Variants in TRABD observed in about 807,000 individuals in gnomAD.
The protein encoded by TRABD is traB domain-containing protein.
Under a neutral mutation model 39.6 loss-of-function variants are expected in TRABD, and 23 were observed. The observed-to-expected ratio is 0.58, with a 90% CI of 0.42 to 0.82. The LOEUF (loss-of-function observed/expected upper bound fraction) is 0.82, where lower values mean the gene tolerates loss of function less well. Ranked by LOEUF, TRABD falls within the 40% of genes least tolerant of loss-of-function variation. TRABD has a pLI of 0.00. For synonymous variants in TRABD, 243 were observed against 232.1 expected (o/e 1.05, Z -0.43); for missense variants, 487 against 544.9 (o/e 0.89, Z 1.06).
At chr22:50,188,148 C>T (rs375399044) in intron 1 of TRABD, among the ~76,000 whole-genome samples, 15 of 151,370 alleles carry the variant, frequency 9.9e-5, no homozygotes, top group Middle Eastern at 3.4e-3. Context: ...GGGGTGGTGG[C>T]GCACGCCTGT....
intron 1 of TRABD, among the ~76,000 whole-genome samples, chr22:50,189,742 AGTGTGTGCTGGCCGG>A (rs1360967462): frequency 6.7e-5 from 10 of 149,604 alleles, no homozygotes; most frequent in African/African-American, 2.2e-4. Context: ...GGGTGGCTGC[AGTGTGTGCTGGCCGG>A]ACCCCAGGTG....
In TRABD at chr22:50,194,473, C is replaced by T; in HGVS notation, c.246C>T (p.His82=). 1 of 1,602,814 alleles carries T rather than the reference C, an allele frequency of 6.2e-7. No homozygotes were observed. The highest frequency in any genetic ancestry group is 8.5e-7 in the Non-Finnish European group (1 of 1,175,100). The change falls in exon 4 of 10, where the codon CAC becomes CAT. Residue 82 remains histidine, a synonymous_variant. Coordinates refer to ENST00000380909, the MANE Select transcript of TRABD (RefSeq NM_001320485.2). ...GSRVYVVGTA[H]FSDDSKRDVV... ...GGGTGTACGTGGTGGGGACAGCCCA[C>T]TTCAGCGACGACAGCAAGAGGGACG...
intron 1 of TRABD, among the ~76,000 whole-genome samples, chr22:50,190,375 G>A (rs1428029685): frequency 6.6e-6 from 1 of 152,182 alleles, no homozygotes; most frequent in African/African-American, 2.4e-5. Flanking sequence ...CAGGACCAGC[G>A]CCTGCTGCTG....
chr22:50,186,737 T>G (rs7288889), intron 1 of TRABD, among the ~76,000 whole-genome samples: 122,997 of 152,310 alleles, frequency 0.81, 50,438 homozygotes, highest in African/African-American at 0.95. Context: ...TGCCCTTCAA[T>G]TGGAGCAGAG....
chr22:50,198,159 C>T lies in TRABD; in HGVS notation c.929C>T (p.Thr310Ile). Reference sequence around the variant, plus strand: ...CCTGGCATCGAGAAGAACTGGAGCACCGACCTCAACATCCAGGAGATCATG... The same window carrying T: ...CCTGGCATCGAGAAGAACTGGAGCATCGACCTCAACATCCAGGAGATCATG... ...HVPGIEKNWSTDLNIQEIMTV... is the reference protein window; with the variant it reads ...HVPGIEKNWSIDLNIQEIMTV... Residue 310 changes from threonine to isoleucine, a missense_variant, in exon 9 of 10, where the codon ACC becomes ATC. Physicochemically the swap from Thr to Ile is moderately conservative, Grantham distance 89 (BLOSUM62 -1). Coordinates refer to ENST00000380909, the MANE Select transcript of TRABD (RefSeq NM_001320485.2). The surrounding 1 kb of genome is among the most constrained non-coding windows in gnomAD (Gnocchi z 7.9). The T allele has an allele frequency of 6.2e-7, 1 of 1,612,258 alleles. No homozygotes were observed. The highest frequency in any genetic ancestry group is 8.5e-7 in the Non-Finnish European group (1 of 1,179,546).
At chr22:50,197,039 C>T in intron 5 of TRABD, 1 of 582,878 alleles carries the variant, frequency 1.7e-6, no homozygotes, top group Non-Finnish European at 3.0e-6. Context: ...TGAGAAGTGC[C>T]TGTTGGGACA....
chr22:50,192,961 C>G, intron 1 of TRABD, 66 bp from the exon 2 acceptor site: 2 of 1,406,740 alleles, frequency 1.4e-6, no homozygotes, highest in South Asian at 1.2e-5. Flanking sequence ...CAGGGCACTA[C>G]GCAGTGAGTC....
At chr22:50,194,623 G>T (rs1455373658) in intron 4 of TRABD, 117 bp downstream of exon 4, 1 of 1,453,002 alleles carries the variant, frequency 6.9e-7, no homozygotes, top group Non-Finnish European at 9.3e-7. Flanking sequence ...CAGGCCTCCT[G>T]CTTCAACACT....
At chr22:50,194,800 G>A in intron 4 of TRABD, 100 bp from the exon 5 acceptor site, 1 of 1,521,290 alleles carries the variant, frequency 6.6e-7, no homozygotes, top group Non-Finnish European at 8.8e-7. Flanking sequence ...GTGACGCCAA[G>A]GCTGGCTGCT....
In TRABD at chr22:50,198,744, C is replaced by CA; in HGVS notation, c.*226dup. 1.8e-6 allele frequency: 1 copy of CA among 561,456 alleles called. No homozygotes were observed. The highest frequency in any genetic ancestry group is 3.1e-6 in the Non-Finnish European group (1 of 321,380). The allele number at this position is 561,456 out of a possible 1,614,324, so 34.8% of individuals were successfully genotyped here. On this transcript the variant is annotated 3_prime_UTR_variant, in exon 10 of 10. Coordinates refer to ENST00000380909, the MANE Select transcript of TRABD (RefSeq NM_001320485.2). The surrounding 1 kb of genome is among the most constrained non-coding windows in gnomAD (Gnocchi z 7.9). The stretch of plus-strand genomic sequence containing the variant: ...CCTCCCGGCAGCCCCTCCCCTCCCA[C>CA]ACTGCAGGGGCCGTTCCCCAGCTTC...
chr22:50,194,639 C>T (rs2147118340), intron 4 of TRABD, 133 bp downstream of exon 4: 4 of 1,408,462 alleles, frequency 2.8e-6, no homozygotes, highest in Non-Finnish European at 3.8e-6. Context: ...ACACTGTGGT[C>T]CCTGGGAGTG....
Position 50,197,464 on chromosome 22 carries a change from T to C in TRABD, c.547T>C (p.Phe183Leu), listed in dbSNP as rs780753099. ...TCTGCTCCAGGCCAGCAAGGTGCCT[T>C]TCTGCAAGTTCCACCTGGGTGACCG... is the stretch of plus-strand genomic sequence containing the variant. ...EAFKEASKVP[F>L]CKFHLGDRPI... Residue 183 changes from phenylalanine to leucine, a missense_variant, in exon 7 of 10, where the codon TTC becomes CTC. This residue lies in a region of TRABD where 358 missense variants were observed against 414.7 expected (regional missense o/e 0.86). Transcript: ENST00000380909. The C allele has an allele frequency of 6.2e-7, 1 of 1,613,848 alleles. No individual in the cohort carries two copies. The highest frequency in any genetic ancestry group is 8.5e-7 in the Non-Finnish European group (1 of 1,179,998).
At chr22:50,187,042 T>C (rs1306737753) in intron 1 of TRABD, among the ~76,000 whole-genome samples, 1 of 152,164 alleles carries the variant, frequency 6.6e-6, no homozygotes, top group Non-Finnish European at 1.5e-5. Flanking sequence ...CTCACTGCGC[T>C]GTGTGTCTCT....
intron 1 of TRABD, among the ~76,000 whole-genome samples, 168 bp from the exon 2 acceptor site, chr22:50,192,859 C>G (rs1326465386): frequency 9.4e-6 from 1 of 106,834 alleles, no homozygotes; most frequent in African/African-American, 3.9e-5. Flanking sequence ...CTGAACCGAC[C>G]CTGGACCTCA....
chr22:50,198,644 C>A lies in TRABD; in HGVS notation c.*125C>A. The A allele has an allele frequency of 1.0e-6, 1 of 995,388 alleles. No individual in the cohort carries two copies. The highest frequency in any genetic ancestry group is 1.4e-6 in the Non-Finnish European group (1 of 713,128). 61.7% of individuals were successfully genotyped at this position (995,388 alleles called of 1,614,324 possible). On this transcript the variant is annotated 3_prime_UTR_variant, in exon 10 of 10. Coordinates refer to ENST00000380909, the MANE Select transcript of TRABD (RefSeq NM_001320485.2). This position sits in a 1 kb window ranked among gnomAD's most constrained non-coding sequence, Gnocchi z 7.9. ...CCCCATGGGGGTCTGGGCCCGGCCT[C>A]GCCTGCCCTCCTGGGCCAGTCACCC...
chr22:50,195,023 C>G lies in TRABD; in HGVS notation c.403C>G (p.Gln135Glu). 6.2e-7 allele frequency: 1 copy of G among 1,601,260 alleles called. No homozygotes were observed. The highest frequency in any genetic ancestry group is 8.5e-7 in the Non-Finnish European group (1 of 1,177,146). ...EAQELSLEKL[Q>E]QAVRQNGLMS... ...CCAGGAGCTCAGCCTGGAGAAGCTG[C>G]AGCAGGCCGTGAGGCAGGTGCGCAG... Residue 135 changes from glutamine (Q) to glutamate (E), a missense_variant, in exon 5 of 10, where the codon CAG becomes GAG. This residue lies in a region of TRABD where 358 missense variants were observed against 414.7 expected (regional missense o/e 0.86). Transcript: ENST00000380909.
chr22:50,194,675 C>G (rs909675392), intron 4 of TRABD, among the ~76,000 whole-genome samples, 169 bp downstream of exon 4: 1 of 152,264 alleles, frequency 6.6e-6, no homozygotes, highest in Admixed American at 6.5e-5. Flanking sequence ...TGCCTGGGAG[C>G]CGTGACGGCC....
rs1263654779 is a variant in TRABD, at chr22:50,198,267, C to G, written c.957-78C>G. 2.0e-6 allele frequency: 3 copies of G among 1,517,458 alleles called. No homozygotes were observed. Among genetic ancestry groups the G allele is most frequent in the Non-Finnish European group, 2.7e-6 (3 of 1,116,284 alleles). 94.0% of individuals were successfully genotyped at this position (1,517,458 alleles called of 1,614,324 possible). On this transcript the variant is annotated intron_variant, in intron 9 of 9. Coordinates refer to ENST00000380909, the MANE Select transcript of TRABD (RefSeq NM_001320485.2). This position sits in a 1 kb window ranked among gnomAD's most constrained non-coding sequence, Gnocchi z 7.9. Reference sequence around the variant, plus strand: ...GAGCGCCCTGGAGGCCAACCACATGCGGCAGTGACCCAGGCATGGGGGCTG... The same window carrying G: ...GAGCGCCCTGGAGGCCAACCACATGGGGCAGTGACCCAGGCATGGGGGCTG...
Position 50,193,035 on chromosome 22 carries a change from C to G in TRABD, c.-26C>G. On this transcript the variant is annotated 5_prime_UTR_variant, in exon 2 of 10. Transcript: ENST00000380909. ...CTCATGCCTCTCCTCAGGCTCCCCA[C>G]AGGTGCAGGAAGCCGCCGCCCAGCC... 6.5e-7 allele frequency: 1 copy of G among 1,544,352 alleles called. No individual in the cohort carries two copies. Among genetic ancestry groups the G allele is most frequent in the Non-Finnish European group, 8.7e-7 (1 of 1,146,974 alleles).
Sources: gnomAD v4.1 joint callset for allele counts (sites outside exome capture counted in the v4.1 genomes callset) on GRCh38, gnomAD v4.1.1 for gene constraint, gnomAD v4.1.1 regional missense constraint, Gnocchi (gnomAD v3.1) non-coding constraint, MANE v1.5 for transcripts, NCBI Gene and HGNC (gene_info 2026-07-23, HGNC 2026-07-21) for gene names.